ABCB1: variants seen among roughly 807,000 people sequenced by gnomAD.
ABCB1 encodes ATP-dependent translocase ABCB1.
ABCB1 carries 69 observed loss-of-function variants against 142.0 expected under a neutral mutation model. The ratio of observed to expected loss-of-function variants is 0.49; its 90% CI spans 0.40 to 0.59. The LOEUF is 0.59. Among genes scored for constraint, ABCB1 ranks in the 20% least tolerant of loss-of-function variants. The pLI is 0.00. For missense variants in ABCB1, 1,326 were observed against 1,554.7 expected (o/e 0.85, Z 2.47); for synonymous variants, 532 against 539.2 (o/e 0.99, Z 0.18).
chr7:87,577,537 T>A (rs2129879427), intron 4 of ABCB1, among the ~76,000 whole-genome samples: 1 of 152,302 alleles, frequency 6.6e-6, no homozygotes, highest in African/African-American at 2.4e-5. Flanking sequence ...ATGTACAAGT[T>A]GTACAACAGT....
intron 1 of ABCB1, among the ~76,000 whole-genome samples, chr7:87,639,066 G>T (rs567822371): frequency 6.6e-5 from 10 of 151,370 alleles, no homozygotes; most frequent in African/African-American, 2.2e-4. Context: ...GCAGGAGAAT[G>T]GTGTAAACCC....
At chr7:87,519,029 C>A in intron 23 of ABCB1, 1 of 455,430 alleles carries the variant, frequency 2.2e-6, no homozygotes, top group Non-Finnish European at 4.0e-6. Flanking sequence ...CAGGGCTAGG[C>A]TTCTTCCCAA....
At chr7:87,602,769 CA>C (rs1819510677), upstream of ABCB1, among the ~76,000 whole-genome samples, 1 of 152,068 alleles carries the variant, frequency 6.6e-6, no homozygotes, top group Admixed American at 6.5e-5. Context: ...TATTGTATTC[CA>C]TTTCTTTGCT....
At position 87,509,435 on chromosome 7, in the gene ABCB1, C is replaced by T. The variant is rs770289924; in HGVS notation, c.3329G>A (p.Arg1110Gln). The T allele has an allele frequency of 5.6e-6, 9 of 1,613,988 alleles. No individual in the cohort carries two copies. Among genetic ancestry groups the T allele is most frequent in the African/African-American group, 2.7e-5 (2 of 74,896 alleles). Residue 1110 changes from arginine (R) to glutamine (Q), a missense_variant, in exon 26 of 28, where the codon CGA (arginine) becomes CAA (glutamine). Arg to Gln is a conservative substitution (Grantham distance 43). Transcript: ENST00000622132. ...CTGGGACACGATGCCCAGGTGTGCT[C>T]GGAGCCACTGAACATTCAGTCGCTT... is the stretch of plus-strand genomic sequence containing the variant. ...EIKRLNVQWLRAHLGIVSQEP... is the reference protein window; with the variant it reads ...EIKRLNVQWLQAHLGIVSQEP...
intron 5 of ABCB1, among the ~76,000 whole-genome samples, chr7:87,568,167 G>A (rs936595877): frequency 6.7e-6 from 1 of 149,634 alleles, no homozygotes; most frequent in African/African-American, 2.5e-5. Context: ...AGGCCAAGGT[G>A]GGCGGATCAT....
Position 87,641,115 on chromosome 7 carries a change from ATTAAG to A in ABCB1, c.-330-40042_-330-40038del, listed in dbSNP as rs748849576. Among the ~76,000 whole-genome samples the A allele has an allele frequency of 8.5e-5, 13 of 152,212 alleles. No homozygotes were observed. The East Asian group carries it at 1.5e-3, about 18-fold the overall frequency. On this transcript the variant is annotated intron_variant, in intron 1 of 28. Coordinates refer to the ABCB1 transcript ENST00000265724. ...TGTTATTGAATGCCACACAATGTTTATTAAGTTATTTCTTTAATACTTTTGTTGTT... is the reference window on the plus strand; with the variant it reads ...TGTTATTGAATGCCACACAATGTTTATTATTTCTTTAATACTTTTGTTGTT...
At chr7:87,522,757 A>T (rs4148741) in intron 21 of ABCB1, among the ~76,000 whole-genome samples, 10,775 of 137,814 alleles carry the variant, frequency 0.078, 701 homozygotes, top group East Asian at 0.24. Context: ...CCTTTTTTTT[A>T]AAAAAAAAGT....
intron 1 of ABCB1, among the ~76,000 whole-genome samples, chr7:87,658,370 T>C (rs1312479731): frequency 6.6e-6 from 1 of 152,138 alleles, no homozygotes. Flanking sequence ...AAATTAGACT[T>C]GTTAAAAAAT....
intron 3 of ABCB1, among the ~76,000 whole-genome samples, chr7:87,586,268 G>A (rs1818749062): frequency 6.6e-6 from 1 of 152,168 alleles, no homozygotes; most frequent in Non-Finnish European, 1.5e-5. Context: ...TGGCAATAAT[G>A]AATGACCCAC....
At chr7:87,619,762 GTGTATA>G (rs778151172) in intron 1 of ABCB1, among the ~76,000 whole-genome samples, 1 of 148,184 alleles carries the variant, frequency 6.7e-6, no homozygotes, top group East Asian at 2.0e-4. Context: ...GTGTGTGTGT[GTGTATA>G]TATATATATA....
chr7:87,684,614 A>G (rs947610186), intron 1 of ABCB1, among the ~76,000 whole-genome samples: 2 of 151,866 alleles, frequency 1.3e-5, no homozygotes, highest in Admixed American at 1.3e-4. Flanking sequence ...TGGGCATGGT[A>G]GCACGTGCCT....
At chr7:87,607,877 C>T (rs1184006841) in intron 1 of ABCB1, among the ~76,000 whole-genome samples, 1 of 152,120 alleles carries the variant, frequency 6.6e-6, no homozygotes, top group Non-Finnish European at 1.5e-5. Flanking sequence ...AAGGTGAAAA[C>T]GATTAGGATA....
chr7:87,664,087 T>C (rs1264272014), intron 1 of ABCB1, among the ~76,000 whole-genome samples: 2 of 152,190 alleles, frequency 1.3e-5, no homozygotes, highest in Non-Finnish European at 2.9e-5. Flanking sequence ...AGCTATTGGC[T>C]TACATGTTTA....
At chr7:87,640,326 T>G (rs1822301301) in intron 1 of ABCB1, among the ~76,000 whole-genome samples, 3 of 151,788 alleles carry the variant, frequency 2.0e-5, no homozygotes, top group Non-Finnish European at 2.9e-5. Flanking sequence ...TTTGGAAAAA[T>G]TTTGGTTATT....
At position 87,544,291 on chromosome 7, in the gene ABCB1, T is replaced by C; in HGVS notation, c.2065-16A>G. 6.2e-7 allele frequency: 1 copy of C among 1,611,932 alleles called. No individual in the cohort carries two copies. The highest frequency in any genetic ancestry group is 8.5e-7 in the Non-Finnish European group (1 of 1,179,608). On this transcript the variant is annotated splice_polypyrimidine_tract_variant and intron_variant, in intron 16 of 27. Transcript: ENST00000622132. ...TACTTTCATCCTAGAAAACACAAAT[T>C]ATTACAACAGGCTAGTTAAAAACTT...
chr7:87,639,598 G>T lies in ABCB1; in HGVS notation c.-330-38520C>A, dbSNP rs183636091. The stretch of plus-strand genomic sequence containing the variant: ...AGTTTTATGGAGATTTAGAATTGTG[G>T]TCTCTTCCTAGTAGTTTGATTCATT... On this transcript the variant is annotated intron_variant, in intron 1 of 28. Transcript: ENST00000265724. Among the ~76,000 whole-genome samples, 24 of 152,122 alleles carry T rather than the reference G, an allele frequency of 1.6e-4. No individual in the cohort carries two copies. The East Asian group carries it at 4.0e-3, about 26-fold the overall frequency.
At chr7:87,699,780 T>G (rs1429840870) in intron 1 of ABCB1, among the ~76,000 whole-genome samples, 1 of 152,156 alleles carries the variant, frequency 6.6e-6, no homozygotes, top group African/African-American at 2.4e-5. Flanking sequence ...GTTAGCCAAA[T>G]CTGAAAGATT....
chr7:87,587,746 G>T (rs1818820545), intron 3 of ABCB1, among the ~76,000 whole-genome samples: 1 of 151,878 alleles, frequency 6.6e-6, no homozygotes, highest in Admixed American at 6.6e-5. Flanking sequence ...GTGGTGGCAG[G>T]CGCCTGTAAT....
At chr7:87,647,359 TG>T (rs1209648925) in intron 1 of ABCB1, among the ~76,000 whole-genome samples, 1 of 152,196 alleles carries the variant, frequency 6.6e-6, no homozygotes, top group Non-Finnish European at 1.5e-5. Context: ...TTCTAAGAAG[TG>T]TATGCTGGAG....
Sources: gnomAD v4.1 joint callset for allele counts (sites outside exome capture counted in the v4.1 genomes callset) on GRCh38, gnomAD v4.1.1 for gene constraint, MANE v1.5 for transcripts, NCBI Gene and HGNC (gene_info 2026-07-23, HGNC 2026-07-21) for gene names.